The following MYO1D variants were observed in gnomAD, a reference collection of about 807,000 sequenced individuals.
MYO1D encodes the protein unconventional myosin-Id.
A neutral mutation model predicts 122.0 loss-of-function variants in MYO1D; 83 were observed. That is an observed-to-expected ratio of 0.68 (90% CI 0.57 to 0.82). The LOEUF (loss-of-function observed/expected upper bound fraction) is 0.82. Ranked by LOEUF, MYO1D falls within the 40% of genes least tolerant of loss-of-function variation. MYO1D has a pLI of 0.00. For missense variants in MYO1D, 1,157 were observed against 1,269.5 expected (o/e 0.91, Z 1.35); for synonymous variants, 464 against 446.9 (o/e 1.04, Z -0.48).
In MYO1D at chr17:32,647,265, T is replaced by G. The variant is rs139624711; in HGVS notation, c.2595+6578A>C. ...GAAAGTGGCTGTTTCAGAGAGAATC[T>G]AAGCATAAAGAAGAGGGCTTTACTG... On this transcript the variant is annotated intron_variant, in intron 19 of 21. Coordinates refer to ENST00000318217, the MANE Select transcript of MYO1D (RefSeq NM_015194.3). Among the ~76,000 whole-genome samples the G allele has an allele frequency of 4.6e-5, 7 of 152,378 alleles. No individual in the cohort carries two copies. The East Asian group carries it at 1.2e-3, about 25-fold the overall frequency.
At chr17:32,563,204 C>T (rs1429005431) in intron 21 of MYO1D, among the ~76,000 whole-genome samples, 7 of 105,130 alleles carry the variant, frequency 6.7e-5, no homozygotes, top group South Asian at 3.2e-4. Context: ...TTTTTCTTCT[C>T]TCTTTTTTTT....
chr17:32,539,719 G>A (rs6505299), intron 21 of MYO1D, among the ~76,000 whole-genome samples: 11,912 of 152,150 alleles, frequency 0.078, 1,491 homozygotes, highest in African/African-American at 0.27. Flanking sequence ...ATCTAATTTC[G>A]AGATTCTTAA....
chr17:32,742,544 G>A (rs2089784393), intron 13 of MYO1D, among the ~76,000 whole-genome samples: 2 of 152,218 alleles, frequency 1.3e-5, no homozygotes, highest in Admixed American at 6.5e-5. Context: ...AACACACCCT[G>A]ATGGTACTAC....
At chr17:32,732,452 C>G (rs2089652273) in intron 14 of MYO1D, among the ~76,000 whole-genome samples, 1 of 152,202 alleles carries the variant, frequency 6.6e-6, no homozygotes, top group Non-Finnish European at 1.5e-5. Flanking sequence ...TGGAGAGGAG[C>G]TACCCACCAT....
rs1250547666 is a variant in MYO1D at position 32,760,285 on chromosome 17, C to T, written c.1296+5G>A. On this transcript the variant is annotated splice_donor_5th_base_variant and intron_variant, in intron 10 of 21. Transcript: ENST00000318217. ...TGAAGGCATTTTCCATAAGAGTCCA[C>T]TCACATGTTTCCAGGGGATCCCTTC... 6.3e-7 allele frequency: 1 copy of T among 1,597,698 alleles called. No individual in the cohort carries two copies. Among genetic ancestry groups the T allele is most frequent in the African/African-American group, 1.3e-5 (1 of 74,528 alleles).
intron 21 of MYO1D, chr17:32,529,961 T>C (rs1910459009): frequency 6.6e-6 from 1 of 152,380 alleles, no homozygotes; most frequent in East Asian, 1.9e-4. Flanking sequence ...AATAGCGTTT[T>C]AAACTCCTTG....
chr17:32,762,554 A>C (rs2090012131), intron 8 of MYO1D, among the ~76,000 whole-genome samples: 1 of 152,066 alleles, frequency 6.6e-6, no homozygotes, highest in Non-Finnish European at 1.5e-5. Context: ...AACATTCTCC[A>C]TACTAAGGCC....
intron 21 of MYO1D, among the ~76,000 whole-genome samples, chr17:32,517,784 T>A (rs1909946094): frequency 6.6e-6 from 1 of 152,248 alleles, no homozygotes; most frequent in Admixed American, 6.5e-5. Context: ...TTTATCACAC[T>A]TTTTATTATG....
chr17:32,536,691 C>T (rs1459502836), intron 21 of MYO1D, among the ~76,000 whole-genome samples: 3 of 152,108 alleles, frequency 2.0e-5, no homozygotes. Context: ...AAATATTATG[C>T]ATTATATTTT....
chr17:32,806,419 T>A (rs1039620784), intron 1 of MYO1D, among the ~76,000 whole-genome samples: 1 of 152,216 alleles, frequency 6.6e-6, no homozygotes, highest in Non-Finnish European at 1.5e-5. Flanking sequence ...GAAATAGTCA[T>A]TAATCTGTGA....
At chr17:32,644,899 T>A (rs77291534) in intron 19 of MYO1D, among the ~76,000 whole-genome samples, 1 of 152,332 alleles carries the variant, frequency 6.6e-6, no homozygotes, top group South Asian at 2.1e-4. Context: ...ATTGGAGCAT[T>A]TTGCATATTT....
chr17:32,773,114 T>G (rs897150398), intron 4 of MYO1D, among the ~76,000 whole-genome samples: 1 of 152,208 alleles, frequency 6.6e-6, no homozygotes, highest in African/African-American at 2.4e-5. Flanking sequence ...AAAGACTGAC[T>G]TACGACCTCA....
intron 21 of MYO1D, among the ~76,000 whole-genome samples, chr17:32,564,490 T>C (rs380189): frequency 0.47 from 71,618 of 152,104 alleles, 17,294 homozygotes; most frequent in African/African-American, 0.57. Flanking sequence ...GGGTGAACCC[T>C]ACACCATCCC....
chr17:32,811,611 A>ACC (rs2090572596), intron 1 of MYO1D, among the ~76,000 whole-genome samples: 1 of 60,352 alleles, frequency 1.7e-5, no homozygotes, highest in African/African-American at 5.8e-5. Context: ...CCCAACCCTC[A>ACC]CCCTCTTTTT....
rs114353393 is a variant in MYO1D at position 32,590,243 on chromosome 17, A to G, written c.2864+14844T>C. On this transcript the variant is annotated intron_variant, in intron 21 of 21. Coordinates refer to ENST00000318217, the MANE Select transcript of MYO1D (RefSeq NM_015194.3). ...TGCAATCACTCAACTCTCCAAATGT[A>G]CCAGCTCCACCAAGTTTTTGCATAT... Among the ~76,000 whole-genome samples, 1,122 of 152,274 alleles carry G rather than the reference A, an allele frequency of 7.4e-3. 11 individuals are homozygous for G. The highest frequency in any genetic ancestry group is 0.022 in the African/African-American group (895 of 41,542).
intron 1 of MYO1D, 121 bp downstream of exon 1, chr17:32,876,657 G>T: frequency 1.4e-6 from 1 of 732,220 alleles, no homozygotes; most frequent in Non-Finnish European, 2.0e-6. Flanking sequence ...CCGCAGCCCG[G>T]CCGCGCCTCC....
At chr17:32,847,681 A>T (rs1219923916) in intron 1 of MYO1D, among the ~76,000 whole-genome samples, 1 of 151,996 alleles carries the variant, frequency 6.6e-6, no homozygotes, top group Non-Finnish European at 1.5e-5. Context: ...CGCCTGGCTA[A>T]TTTTTGTATT....
At chr17:32,819,107 G>T (rs1313835750) in intron 1 of MYO1D, among the ~76,000 whole-genome samples, 2 of 152,050 alleles carry the variant, frequency 1.3e-5, no homozygotes, top group Non-Finnish European at 2.9e-5. Context: ...AGCATTTGCT[G>T]TTGATATAAT....
chr17:32,690,278 C>T (rs2089078785), intron 16 of MYO1D, among the ~76,000 whole-genome samples: 1 of 151,490 alleles, frequency 6.6e-6, no homozygotes, highest in Non-Finnish European at 1.5e-5. Context: ...CGGGCTCAAG[C>T]AATTCTCCTG....
Sources: allele counts gnomAD v4.1 joint callset (sites outside exome capture counted in the v4.1 genomes callset), GRCh38; gene constraint gnomAD v4.1.1; transcripts MANE v1.5; gene names NCBI Gene and HGNC (gene_info 2026-07-23, HGNC 2026-07-21).